Variants in EXOC2 observed in about 807,000 individuals in gnomAD.
EXOC2 encodes the protein exocyst complex component 2.
EXOC2 carries 70 observed loss-of-function variants against 131.8 expected under a neutral mutation model. The ratio of observed to expected loss-of-function variants is 0.53; its 90% CI spans 0.44 to 0.65. The LOEUF (loss-of-function observed/expected upper bound fraction) is 0.65, where lower values mean the gene tolerates loss of function less well. Among genes scored for constraint, EXOC2 ranks in the 30% least tolerant of loss-of-function variants. The probability of loss-of-function intolerance (pLI) is 0.00; values close to 1 mark genes in which losing one functional copy is unlikely to be tolerated. For synonymous variants in EXOC2, 411 were observed against 398.4 expected, an observed-to-expected ratio of 1.03 and a Z score of -0.38; for missense variants, 923 against 1,108.6, an observed-to-expected ratio of 0.83 and a Z score of 2.38.
chr6:564,421 A>G, intron 15 of EXOC2, 124 bp downstream of exon 15: 1 of 1,339,286 alleles, frequency 7.5e-7, no homozygotes, highest in Non-Finnish European at 1.0e-6. Flanking sequence ...AACAGGAAAC[A>G]GTGGAGGCAA....
At chr6:524,810 A>T (rs568976970) in intron 23 of EXOC2, 1 of 152,156 alleles carries the variant, frequency 6.6e-6, no homozygotes, top group Non-Finnish European at 1.5e-5. Flanking sequence ...AAACCCAAAA[A>T]GTTTGTCTTT....
rs140207122 is a variant in EXOC2, at chr6:488,877, C to T, written c.2681+102G>A. Reference sequence around the variant, plus strand: ...TATTCTGATTCTTATTTGGATTCTGCTCTTCCTAGAATCCAAATCATTATT... The same window carrying T: ...TATTCTGATTCTTATTTGGATTCTGTTCTTCCTAGAATCCAAATCATTATT... On this transcript the variant is annotated intron_variant, in intron 27 of 27. Transcript: ENST00000230449. 2.0e-4 allele frequency: 250 copies of T among 1,229,132 alleles called. 1 individual carries two copies. In the African/African-American group the frequency reaches 3.3e-3, roughly 16 times the overall value. The allele number at this position is 1,229,132 out of a possible 1,614,324, so 76.1% of individuals were successfully genotyped here.
intron 1 of EXOC2, among the ~76,000 whole-genome samples, chr6:676,357 TC>T (rs1275100818): frequency 3.4e-3 from 26 of 7,714 alleles, no homozygotes; most frequent in Non-Finnish European, 5.5e-3. Flanking sequence ...ACTCTGCGGT[TC>T]CCCATACTCT....
chr6:658,219 T>C (rs981992312), intron 1 of EXOC2, among the ~76,000 whole-genome samples: 1 of 152,220 alleles, frequency 6.6e-6, no homozygotes, highest in East Asian at 1.9e-4. Flanking sequence ...CTTGAATGTT[T>C]CCTGGCCCTC....
intron 11 of EXOC2, among the ~76,000 whole-genome samples, chr6:589,716 G>A (rs906528613): frequency 1.3e-5 from 2 of 152,196 alleles, no homozygotes; most frequent in East Asian, 1.9e-4. Flanking sequence ...CACATGAATC[G>A]CCCGGGAGCT....
At chr6:616,890 G>A (rs1042886903) in intron 6 of EXOC2, among the ~76,000 whole-genome samples, 2 of 151,740 alleles carry the variant, frequency 1.3e-5, no homozygotes, top group East Asian at 2.0e-4. Context: ...CTACAGGTAT[G>A]CACTACGCCT....
At chr6:505,228 G>A (rs1288413126) in intron 23 of EXOC2, among the ~76,000 whole-genome samples, 1 of 152,148 alleles carries the variant, frequency 6.6e-6, no homozygotes. Flanking sequence ...TCATTTTGCT[G>A]GTTTCATACA....
At chr6:642,681 A>G (rs890130653) in intron 1 of EXOC2, among the ~76,000 whole-genome samples, 2 of 152,222 alleles carry the variant, frequency 1.3e-5, no homozygotes, top group Admixed American at 6.5e-5. Context: ...GAGGAATTAA[A>G]ATTATAAAAT....
chr6:542,408 C>T (rs1002982669), intron 22 of EXOC2, among the ~76,000 whole-genome samples: 5 of 152,138 alleles, frequency 3.3e-5, no homozygotes, highest in African/African-American at 4.8e-5. Flanking sequence ...AGAAAGAGGA[C>T]GGTACGGTGC....
chr6:640,512 A>T (rs765196110), intron 1 of EXOC2, among the ~76,000 whole-genome samples: 16 of 152,246 alleles, frequency 1.1e-4, no homozygotes, highest in Admixed American at 1.3e-4. Flanking sequence ...TCATATGTTA[A>T]ACCCAGCCCC....
chr6:542,441 G>A (rs560605941), intron 22 of EXOC2, among the ~76,000 whole-genome samples: 2 of 152,216 alleles, frequency 1.3e-5, no homozygotes, highest in African/African-American at 2.4e-5. Context: ...GGGAATGGAG[G>A]AGGAGAGGCC....
intron 18 of EXOC2, 55 bp from the exon 19 acceptor site, chr6:556,068 G>A (rs962900852): frequency 1.7e-5 from 26 of 1,513,902 alleles, no homozygotes; most frequent in Non-Finnish European, 2.3e-5. Context: ...AAAGGTTTTT[G>A]TATATGAAGT....
chr6:556,936 G>C (rs2127576065), intron 17 of EXOC2, among the ~76,000 whole-genome samples: 1 of 152,278 alleles, frequency 6.6e-6, no homozygotes, highest in South Asian at 2.1e-4. Context: ...GATGAGCTGA[G>C]TCTCCTAGAT....
At chr6:502,584 A>G (rs573198353) in intron 23 of EXOC2, among the ~76,000 whole-genome samples, 3 of 152,232 alleles carry the variant, frequency 2.0e-5, no homozygotes, top group African/African-American at 7.2e-5. Flanking sequence ...AAACTGCTCA[A>G]TGCAATTCTG....
intron 22 of EXOC2, among the ~76,000 whole-genome samples, chr6:543,096 G>C (rs1374210652): frequency 6.6e-6 from 1 of 152,178 alleles, no homozygotes; most frequent in Non-Finnish European, 1.5e-5. Context: ...TGATGCAAAA[G>C]GGCTAAGCTT....
chr6:495,090 T>C (rs902335497), intron 25 of EXOC2, among the ~76,000 whole-genome samples: 5 of 151,216 alleles, frequency 3.3e-5, no homozygotes, highest in Non-Finnish European at 5.9e-5. Flanking sequence ...GGTGTTACTA[T>C]GTTGCCCAGG....
chr6:529,621 C>T (rs955257347), intron 23 of EXOC2, among the ~76,000 whole-genome samples: 3 of 152,062 alleles, frequency 2.0e-5, no homozygotes, highest in Non-Finnish European at 2.9e-5. Flanking sequence ...GATTTAATAG[C>T]CTTGAACATA....
intron 23 of EXOC2, among the ~76,000 whole-genome samples, chr6:512,158 C>T (rs533802574): frequency 1.3e-5 from 2 of 152,368 alleles, no homozygotes; most frequent in South Asian, 2.1e-4. Context: ...TGAGCCCCTT[C>T]TCAGCTCTGT....
At position 544,691 on chromosome 6, in the gene EXOC2, T is replaced by C. The variant is rs1453494728; in HGVS notation, c.2238+4484A>G. ...GAAATTTAGTGATATTCAAATAAGCTACAATAATCAAACATGTAAAATACA... is the reference window on the plus strand; with the variant it reads ...GAAATTTAGTGATATTCAAATAAGCCACAATAATCAAACATGTAAAATACA... On this transcript the variant is annotated intron_variant, in intron 22 of 27. Coordinates refer to ENST00000230449, the MANE Select transcript of EXOC2 (RefSeq NM_018303.6). Among the ~76,000 whole-genome samples the C allele has an allele frequency of 1.3e-5, 2 of 152,112 alleles. 1 individual carries two copies. The highest frequency in any genetic ancestry group is 3.8e-4 in the East Asian group (2 of 5,200).
Sources: gnomAD v4.1 joint callset for allele counts (sites outside exome capture counted in the v4.1 genomes callset) on GRCh38, gnomAD v4.1.1 for gene constraint, MANE v1.5 for transcripts, NCBI Gene and HGNC (gene_info 2026-07-23, HGNC 2026-07-21) for gene names.